Variants in PUDP observed in about 807,000 individuals in gnomAD.
PUDP encodes the protein pseudouridine 5'-phosphatase, also known as pseudouridine-5'-phosphatase.
In PUDP, 8 loss-of-function variants were observed where a neutral mutation model predicts 9.4. The ratio of observed to expected loss-of-function variants is 0.85; its 90% confidence interval spans 0.50 to 1.53. The LOEUF (loss-of-function observed/expected upper bound fraction) is 1.53, where lower values mean the gene tolerates loss of function less well. Among genes scored for constraint, PUDP ranks in the 40% most tolerant of loss-of-function variants. The pLI is 0.00. For missense variants in PUDP, 188 were observed against 189.7 expected (o/e 0.99, Z 0.05); for synonymous variants, 99 against 80.7 (o/e 1.23, Z -1.22).
chrX:6,784,251 C>T (rs1342230415), intron 3 of PUDP, among the ~76,000 whole-genome samples: 2 of 111,890 alleles, frequency 1.8e-5, no homozygotes, highest in Non-Finnish European at 3.8e-5. Context: ...GGATCATGTA[C>T]ACATCATTCG....
intron 3 of PUDP, among the ~76,000 whole-genome samples, chrX:7,061,875 T>C (rs1057511505): frequency 8.9e-6 from 1 of 111,862 alleles, no homozygotes; most frequent in Admixed American, 9.5e-5. Context: ...ATTATTATGA[T>C]AATGGTGATC....
At chrX:6,769,495 T>A (rs1207588199) in intron 3 of PUDP, among the ~76,000 whole-genome samples, 1 of 111,873 alleles carries the variant, frequency 8.9e-6, no homozygotes, top group Non-Finnish European at 1.9e-5. Flanking sequence ...ATCAGCAGCA[T>A]CAAGGCAGGC....
intron 3 of PUDP, among the ~76,000 whole-genome samples, chrX:6,752,912 G>C (rs774484641): frequency 8.9e-6 from 1 of 111,809 alleles, no homozygotes; most frequent in South Asian, 3.8e-4. Context: ...ATATATATGT[G>C]TAATTAGTTA....
At chrX:7,083,793 C>A (rs995623357) in intron 2 of PUDP, among the ~76,000 whole-genome samples, 3 of 108,716 alleles carry the variant, frequency 2.8e-5, no homozygotes, top group Non-Finnish European at 3.8e-5. Flanking sequence ...CCCAGCTACT[C>A]GAGAGGCTGA....
chrX:7,014,808 C>A (rs1051211494), intron 1 of PUDP, among the ~76,000 whole-genome samples: 22 of 111,888 alleles, frequency 2.0e-4, no homozygotes, highest in Non-Finnish European at 3.6e-4. Context: ...GTATTTTAGG[C>A]AACCTCAAGG....
chrX:6,851,577 T>C (rs1033782325), intron 3 of PUDP, among the ~76,000 whole-genome samples: 2 of 111,790 alleles, frequency 1.8e-5, no homozygotes, highest in African/African-American at 6.5e-5. Context: ...TATTTTGAAA[T>C]GTTATTTCCT....
Position 7,002,919 on chromosome X carries a change from C to T in PUDP, c.205-24576G>A, listed in dbSNP as rs1293668000. Among the ~76,000 whole-genome samples the T allele has an allele frequency of 5.4e-5, 6 of 110,349 alleles. No individual in the cohort carries two copies. In the Admixed American group the frequency reaches 5.8e-4, roughly 11 times the overall value. On this transcript the variant is annotated intron_variant and NMD_transcript_variant, in intron 1 of 3. Transcript: ENST00000655425. The stretch of plus-strand genomic sequence containing the variant: ...ACCCACCAAGGAGCCCCGGAAAGCA[C>T]CGAGAAAAAGGAGGCAACCTCTGCC...
chrX:7,006,154 T>C (rs1929399637), intron 1 of PUDP, among the ~76,000 whole-genome samples: 1 of 112,086 alleles, frequency 8.9e-6, no homozygotes, highest in Non-Finnish European at 1.9e-5. Flanking sequence ...GGTACCAATA[T>C]CTGTTTGGGT....
At chrX:6,785,380 T>G (rs1286613462) in intron 3 of PUDP, among the ~76,000 whole-genome samples, 1 of 112,376 alleles carries the variant, frequency 8.9e-6, no homozygotes, top group Non-Finnish European at 1.9e-5. Context: ...ATTAGCTAAT[T>G]TCCTTACTAC....
intron 3 of PUDP, among the ~76,000 whole-genome samples, chrX:7,058,742 A>T (rs772998985): frequency 1.8e-5 from 2 of 112,002 alleles, no homozygotes; most frequent in Non-Finnish European, 3.8e-5. Flanking sequence ...CTGCTGAGGT[A>T]TGTGTGTATT....
intron 3 of PUDP, among the ~76,000 whole-genome samples, chrX:6,740,905 T>C (rs1406199237): frequency 8.9e-6 from 1 of 112,020 alleles, no homozygotes; most frequent in Non-Finnish European, 1.9e-5. Flanking sequence ...ACGCCTGTAA[T>C]CCCAGCAGTT....
chrX:7,063,787 G>A (rs1159842611), intron 3 of PUDP, among the ~76,000 whole-genome samples: 1 of 111,103 alleles, frequency 9.0e-6, no homozygotes, highest in Non-Finnish European at 1.9e-5. Flanking sequence ...TGGGACTACC[G>A]GGAAGCACCA....
chrX:6,747,209 G>A (rs1048203985), intron 3 of PUDP, among the ~76,000 whole-genome samples: 3 of 112,058 alleles, frequency 2.7e-5, no homozygotes, highest in African/African-American at 9.7e-5. Context: ...ATGCCCAAAG[G>A]AAGATATTAT....
intron 3 of PUDP, among the ~76,000 whole-genome samples, chrX:7,069,272 G>A (rs1477975118): frequency 9.0e-6 from 1 of 111,393 alleles, no homozygotes; most frequent in Admixed American, 9.5e-5. Context: ...GAGGTGAGGA[G>A]GCGAGGATGC....
intron 3 of PUDP, among the ~76,000 whole-genome samples, chrX:6,856,727 T>C (rs759002539): frequency 4.5e-5 from 5 of 111,591 alleles, no homozygotes; most frequent in Non-Finnish European, 7.5e-5. Context: ...GCCCACAGGG[T>C]GCCCTAACAA....
intron 1 of PUDP, among the ~76,000 whole-genome samples, chrX:7,131,342 G>A (rs1247088645): frequency 2.7e-5 from 3 of 110,901 alleles, no homozygotes; most frequent in Non-Finnish European, 1.9e-5. Context: ...AATCCCTAGG[G>A]CCCGAGAATC....
downstream of PUDP, among the ~76,000 whole-genome samples, chrX:7,045,032 C>A (rs752004923): frequency 8.9e-5 from 10 of 112,138 alleles, no homozygotes; most frequent in African/African-American, 1.9e-4. Flanking sequence ...GTGTCCCCCC[C>A]CAAATCTCAT....
intron 3 of PUDP, among the ~76,000 whole-genome samples, chrX:6,866,677 C>A (rs1218867997): frequency 1.8e-5 from 2 of 111,691 alleles, no homozygotes; most frequent in Non-Finnish European, 3.8e-5. Context: ...AGATGAAGAC[C>A]AGGGAAGATC....
chrX:7,077,232 A>G lies in PUDP; in HGVS notation c.498T>C (p.Pro166=). The change falls in exon 3 of 4, where the codon CCT becomes CCC. Residue 166 remains proline (P), a synonymous_variant. Transcript: ENST00000381077. Reference sequence around the variant, plus strand: ...GGCACCCACTTACCTTCTCCATAGCAGGAGGGGGAGAGAACCTCTTGGCAC... The same window carrying G: ...GGCACCCACTTACCTTCTCCATAGCGGGAGGGGGAGAGAACCTCTTGGCAC... ...LACAKRFSPP[P]AMEKCLVFED... The G allele has an allele frequency of 8.4e-7, 1 of 1,193,450 alleles. No homozygotes were observed. Among genetic ancestry groups the G allele is most frequent in the Non-Finnish European group, 1.1e-6 (1 of 886,230 alleles).
Sources: allele counts gnomAD v4.1 joint callset (sites outside exome capture counted in the v4.1 genomes callset), GRCh38; gene constraint gnomAD v4.1.1; transcripts MANE v1.5; gene names NCBI Gene and HGNC (gene_info 2026-07-23, HGNC 2026-07-21).